The following AMMECR1 variants were observed in gnomAD, a reference collection of about 807,000 sequenced individuals.
AMMECR1 encodes nuclear protein AMMECR1.
Under a neutral mutation model 22.5 loss-of-function variants are expected in AMMECR1, and 3 were observed. The ratio of observed to expected loss-of-function variants is 0.13; its 90% CI spans 0.06 to 0.35. The LOEUF (loss-of-function observed/expected upper bound fraction) is 0.35. Among genes scored for constraint, AMMECR1 ranks in the 10% least tolerant of loss-of-function variants. The probability of loss-of-function intolerance (pLI) is 1.00; values close to 1 mark genes in which losing one functional copy is unlikely to be tolerated. For missense variants in AMMECR1, 235 were observed against 278.7 expected (o/e 0.84, Z 1.12); for synonymous variants, 130 against 116.7 (o/e 1.11, Z -0.74).
At chrX:110,415,574 G>A (rs1016852767) in intron 2 of AMMECR1, among the ~76,000 whole-genome samples, 43 of 111,556 alleles carry the variant, frequency 3.9e-4, no homozygotes, top group African/African-American at 1.3e-3. Flanking sequence ...GGTTCTGGGT[G>A]CTGTGGGGAG....
intron 1 of AMMECR1, among the ~76,000 whole-genome samples, chrX:110,266,100 G>A (rs188147244): frequency 9.3e-6 from 1 of 107,985 alleles, no homozygotes; most frequent in Non-Finnish European, 1.9e-5. Flanking sequence ...CAAACAAAAG[G>A]TAAAAGCCAG....
At chrX:110,279,197 TCA>T (rs1218325817) in intron 1 of AMMECR1, among the ~76,000 whole-genome samples, 1 of 112,508 alleles carries the variant, frequency 8.9e-6, no homozygotes, top group African/African-American at 3.2e-5. Flanking sequence ...AAAGAAACTT[TCA>T]GTGACCAGTT....
chrX:110,364,317 A>G (rs1292490210), intron 2 of AMMECR1, among the ~76,000 whole-genome samples: 2 of 111,525 alleles, frequency 1.8e-5, no homozygotes, highest in Admixed American at 9.5e-5. Context: ...ATCAGCAAAG[A>G]GTCATATTCT....
At chrX:110,307,245 C>A (rs1234958956) in intron 1 of AMMECR1, 3 of 93,346 alleles carry the variant, frequency 3.2e-5, no homozygotes, top group South Asian at 4.9e-4. Flanking sequence ...GATTCTGTCT[C>A]CAAAAAAAAA....
intron 3 of AMMECR1, among the ~76,000 whole-genome samples, chrX:110,206,230 TA>T (rs1234441235): frequency 8.9e-6 from 1 of 111,903 alleles, no homozygotes; most frequent in African/African-American, 3.2e-5. Flanking sequence ...TGCTACACAG[TA>T]AAAGGTTTGG....
chrX:110,302,901 A>T (rs926657593), intron 1 of AMMECR1, among the ~76,000 whole-genome samples: 1 of 110,652 alleles, frequency 9.0e-6, no homozygotes, highest in Admixed American at 9.6e-5. Flanking sequence ...AAATCAAAAA[A>T]CAAAAAAAAA....
chrX:110,350,088 A>G (rs1334705144), intron 2 of AMMECR1, among the ~76,000 whole-genome samples: 2 of 112,525 alleles, frequency 1.8e-5, no homozygotes, highest in African/African-American at 3.2e-5. Context: ...TCAGTAGGCT[A>G]TCTTTCAAAA....
rs2067367540 is a variant in AMMECR1 at position 110,196,015 on chromosome X, A to G, written c.*2505T>C. The G allele has an allele frequency of 8.9e-6, 1 of 112,023 alleles. No individual in the cohort carries two copies. The highest frequency in any genetic ancestry group is 1.9e-5 in the Non-Finnish European group (1 of 53,186). The allele number at this position is 112,023 out of a possible 1,213,427, so 9.2% of individuals were successfully genotyped here. On this transcript the variant is annotated 3_prime_UTR_variant, in exon 6 of 6. Transcript: ENST00000262844. ...GACCTCGTCCTTTGAAGCCTGCAGG[A>G]TGGTTATTTCTTCAGTTTAACGTTA...
chrX:110,332,273 G>A (rs2068123807), intron 2 of AMMECR1, among the ~76,000 whole-genome samples: 1 of 111,967 alleles, frequency 8.9e-6, no homozygotes, highest in Non-Finnish European at 1.9e-5. Flanking sequence ...CCCTTAGGTA[G>A]TGGGATCTGA....
At chrX:110,275,397 A>G (rs2067820813) in intron 1 of AMMECR1, among the ~76,000 whole-genome samples, 1 of 111,111 alleles carries the variant, frequency 9.0e-6, no homozygotes, top group Admixed American at 9.5e-5. Flanking sequence ...CACTTTAAAG[A>G]CGTCATTCCA....
At chrX:110,364,289 C>A (rs73636960) in intron 2 of AMMECR1, among the ~76,000 whole-genome samples, 7,131 of 111,524 alleles carry the variant, frequency 0.064, 552 homozygotes, top group African/African-American at 0.22. Flanking sequence ...CTCATGTAGA[C>A]ATCCTTATCT....
At chrX:110,317,256 A>C (rs1483603650) in intron 1 of AMMECR1, among the ~76,000 whole-genome samples, 3 of 111,263 alleles carry the variant, frequency 2.7e-5, no homozygotes, top group Non-Finnish European at 3.8e-5. Context: ...CAACACCTTG[A>C]GTAACCCAGA....
intron 2 of AMMECR1, among the ~76,000 whole-genome samples, chrX:110,236,604 C>T (rs1173653426): frequency 8.9e-6 from 1 of 111,988 alleles, no homozygotes; most frequent in East Asian, 2.8e-4. Flanking sequence ...TTTTACTCAC[C>T]ATTATATACC....
At chrX:110,305,170 G>A (rs920753470) in intron 1 of AMMECR1, among the ~76,000 whole-genome samples, 2 of 111,939 alleles carry the variant, frequency 1.8e-5, no homozygotes, top group African/African-American at 3.2e-5. Flanking sequence ...ACTCATAAAG[G>A]GGTCTAGCAT....
At chrX:110,423,093 C>T (rs2068729410) in intron 2 of AMMECR1, among the ~76,000 whole-genome samples, 1 of 111,672 alleles carries the variant, frequency 9.0e-6, no homozygotes, top group South Asian at 3.8e-4. Context: ...TTTGGGTGGC[C>T]GAGGCAGGCG....
intron 2 of AMMECR1, among the ~76,000 whole-genome samples, chrX:110,333,661 A>C (rs1449200370): frequency 8.9e-6 from 1 of 111,884 alleles, no homozygotes; most frequent in African/African-American, 3.3e-5. Flanking sequence ...GGATGAGTTC[A>C]TGTCCTTTGC....
intron 2 of AMMECR1, among the ~76,000 whole-genome samples, chrX:110,253,904 T>G (rs1337788618): frequency 2.7e-5 from 3 of 112,103 alleles, no homozygotes; most frequent in Non-Finnish European, 3.8e-5. Context: ...ATTATTATTA[T>G]AATTAGTATC....
rs746806012 is a variant in AMMECR1 at position 110,378,129 on chromosome X, G to A, written c.-148+48529C>T. On this transcript the variant is annotated intron_variant, in intron 2 of 7. Coordinates refer to the AMMECR1 transcript ENST00000372057. ...TCATTTTGATACTTACATAAATCTT[G>A]CGTTATTCTGCCCATTTTTTTGGCT... Among the ~76,000 whole-genome samples, 41 of 109,774 alleles carry A rather than the reference G, an allele frequency of 3.7e-4. 1 individual carries two copies. The highest frequency in any genetic ancestry group is 1.3e-3 in the African/African-American group (40 of 29,946).
chrX:110,376,837 TG>T (rs1485948931), intron 2 of AMMECR1, among the ~76,000 whole-genome samples: 2 of 112,291 alleles, frequency 1.8e-5, no homozygotes, highest in Non-Finnish European at 3.8e-5. Flanking sequence ...TATCTGGCAC[TG>T]GGTAAGCCCT....
Sources: allele counts gnomAD v4.1 joint callset (sites outside exome capture counted in the v4.1 genomes callset), GRCh38; gene constraint gnomAD v4.1.1; transcripts MANE v1.5; gene names NCBI Gene and HGNC (gene_info 2026-07-23, HGNC 2026-07-21).